The following OGFRL1 variants were observed in gnomAD, a reference collection of about 807,000 sequenced individuals.
The protein encoded by OGFRL1 is opioid growth factor receptor like 1.
Under a neutral mutation model 32.4 loss-of-function variants are expected in OGFRL1, and 26 were observed. The ratio of observed to expected loss-of-function variants is 0.80; its 90% CI spans 0.59 to 1.11. The LOEUF is 1.11. OGFRL1 is among the 50% of genes most tolerant of loss of function. The probability of loss-of-function intolerance (pLI) is 0.00; values close to 1 mark genes in which losing one functional copy is unlikely to be tolerated. For missense variants in OGFRL1, 521 were observed against 546.4 expected, an observed-to-expected ratio of 0.95 and a Z score of 0.46; for synonymous variants, 211 against 201.2, an observed-to-expected ratio of 1.05 and a Z score of -0.41.
At position 71,301,842 on chromosome 6, in the gene OGFRL1, G is replaced by A; in HGVS notation, c.1149G>A (p.Glu383=). 1.2e-6 allele frequency: 2 copies of A among 1,613,030 alleles called. No individual in the cohort carries two copies. Among genetic ancestry groups the A allele is most frequent in the Non-Finnish European group, 1.7e-6 (2 of 1,179,756 alleles). ...AAGAGACAGACAGGCCCAGCCCAGAGCCCAGCAATGAAGCTGCCAAGCCAA... is the reference window on the plus strand; with the variant it reads ...AAGAGACAGACAGGCCCAGCCCAGAACCCAGCAATGAAGCTGCCAAGCCAA... The part of the protein sequence containing the change: ...PVEETDRPSP[E]PSNEAAKPRN... Residue 383 remains glutamate (E), a synonymous_variant, in exon 7 of 7, where the codon GAG becomes GAA. Coordinates refer to ENST00000370435, the MANE Select transcript of OGFRL1 (RefSeq NM_024576.5).
Position 71,307,877 on chromosome 6 carries a change from A to G in OGFRL1, c.*5828A>G, listed in dbSNP as rs1766602767. The G allele has an allele frequency of 6.6e-6, 1 of 152,256 alleles. No homozygotes were observed. Among genetic ancestry groups the G allele is most frequent in the African/African-American group, 2.4e-5 (1 of 41,478 alleles). 9.4% of individuals were successfully genotyped at this position (152,256 alleles called of 1,614,324 possible). ...GAAACAGCAACAGGAAACTCACCAC[A>G]GAAATAAAGACATAACCCTTGATAA... On this transcript the variant is annotated 3_prime_UTR_variant, in exon 7 of 7. Coordinates refer to ENST00000370435, the MANE Select transcript of OGFRL1 (RefSeq NM_024576.5).
At position 71,302,748 on chromosome 6, in the gene OGFRL1, G is replaced by T. The variant is rs890068588; in HGVS notation, c.*699G>T. 9.2e-5 allele frequency: 14 copies of T among 152,250 alleles called. No homozygotes were observed. Among genetic ancestry groups the T allele is most frequent in the African/African-American group, 3.4e-4 (14 of 41,442 alleles). The allele number at this position is 152,250 out of a possible 1,614,324, so 9.4% of individuals were successfully genotyped here. On this transcript the variant is annotated 3_prime_UTR_variant, in exon 7 of 7. Transcript: ENST00000370435. ...GCCTCCCAAAGTGCTGGGATTACAGGCATGAGCCACCATGTCTGGCTGATT... is the reference window on the plus strand; with the variant it reads ...GCCTCCCAAAGTGCTGGGATTACAGTCATGAGCCACCATGTCTGGCTGATT...
rs542168729 is a variant in OGFRL1 at position 71,296,684 on chromosome 6, A to G, written c.559A>G (p.Thr187Ala). The part of the protein sequence containing the change: ...TTYEIEEFKK[T>A]KEAIRRFLLA... Reference sequence around the variant, plus strand: ...TTTTTTATATTAGGAATTCAAAAAAACAAAAGAAGCAATTAGAAGATTCCT... The same window carrying G: ...TTTTTTATATTAGGAATTCAAAAAAGCAAAAGAAGCAATTAGAAGATTCCT... Residue 187 changes from threonine (T) to alanine (A), a missense_variant, in exon 6 of 7, where the codon ACA becomes GCA. Coordinates refer to ENST00000370435, the MANE Select transcript of OGFRL1 (RefSeq NM_024576.5). 6.2e-7 allele frequency: 1 copy of G among 1,610,886 alleles called. No homozygotes were observed. The highest frequency in any genetic ancestry group is 1.3e-5 in the African/African-American group (1 of 74,682).
chr6:71,296,046 A>T (rs1766197838), intron 3 of OGFRL1, among the ~76,000 whole-genome samples: 1 of 152,196 alleles, frequency 6.6e-6, no homozygotes, highest in East Asian at 1.9e-4. Flanking sequence ...TTTAAAAAAC[A>T]GCTGGCAGGC....
At chr6:71,292,618 T>A (rs947116915) in intron 1 of OGFRL1, among the ~76,000 whole-genome samples, 2 of 152,330 alleles carry the variant, frequency 1.3e-5, no homozygotes, top group East Asian at 3.9e-4. Flanking sequence ...CTACCATGTA[T>A]AAGTTGTTTC....
chr6:71,290,380 T>G (rs1409425360), intron 1 of OGFRL1, among the ~76,000 whole-genome samples: 1 of 152,210 alleles, frequency 6.6e-6, no homozygotes, highest in Non-Finnish European at 1.5e-5. Context: ...TCTTATTAAA[T>G]TATTAGATGC....
rs1766474135 is a variant in OGFRL1 at position 71,304,033 on chromosome 6, T to C, written c.*1984T>C. 1.3e-5 allele frequency: 2 copies of C among 152,328 alleles called. No individual in the cohort carries two copies. Among genetic ancestry groups the C allele is most frequent in the South Asian group, 2.1e-4 (1 of 4,830 alleles). The allele number at this position is 152,328 out of a possible 1,614,324, so 9.4% of individuals were successfully genotyped here. ...TTCATATCATCTTCTGTTGCCTCTATTGATCCACATTTTCTGCAGTGGATT... is the reference window on the plus strand; with the variant it reads ...TTCATATCATCTTCTGTTGCCTCTACTGATCCACATTTTCTGCAGTGGATT... On this transcript the variant is annotated 3_prime_UTR_variant, in exon 7 of 7. Coordinates refer to ENST00000370435, the MANE Select transcript of OGFRL1 (RefSeq NM_024576.5).
rs998200432 is a variant in OGFRL1 at position 71,303,239 on chromosome 6, A to G, written c.*1190A>G. ...TTAGAGATGATTTAAAGTATTTTAC[A>G]TAAGGGACTTGAGCATTCCTAGATT... On this transcript the variant is annotated 3_prime_UTR_variant, in exon 7 of 7. Coordinates refer to ENST00000370435, the MANE Select transcript of OGFRL1 (RefSeq NM_024576.5). 1.3e-5 allele frequency: 2 copies of G among 152,240 alleles called. No homozygotes were observed. The highest frequency in any genetic ancestry group is 2.9e-5 in the Non-Finnish European group (2 of 68,046). 9.4% of individuals were successfully genotyped at this position (152,240 alleles called of 1,614,324 possible).
At chr6:71,292,089 A>G (rs948251364) in intron 1 of OGFRL1, 3 of 152,212 alleles carry the variant, frequency 2.0e-5, no homozygotes, top group Non-Finnish European at 4.4e-5. Context: ...TATTCGCTAT[A>G]TATGTAAGTG....
intron 1 of OGFRL1, among the ~76,000 whole-genome samples, chr6:71,292,208 G>A (rs975069758): frequency 2.0e-5 from 3 of 152,174 alleles, no homozygotes; most frequent in Non-Finnish European, 4.4e-5. Flanking sequence ...ATTTTGAAAC[G>A]TGTGGCAAGG....
rs756730011 is a variant in OGFRL1, at chr6:71,289,062, C to T, written c.126C>T (p.Gly42=). The change falls in exon 1 of 7, where the codon GGC becomes GGT. Residue 42 remains glycine (G), a synonymous_variant. Transcript: ENST00000370435. ...CAGGGCCGGGCGGCGGCAGCGAGGG[C>T]CCGGGGCAGGAGTCCGAGCAGCCCG... ...EEPGPGGGSE[G]PGQESEQPAQ... 21 of 1,261,906 alleles carry T rather than the reference C, an allele frequency of 1.7e-5. No homozygotes were observed. The highest frequency in any genetic ancestry group is 4.3e-5 in the East Asian group (1 of 23,496). The allele number at this position is 1,261,906 out of a possible 1,614,324, so 78.2% of individuals were successfully genotyped here. A position where few individuals can be genotyped will look rare whatever the true frequency, so the allele number is the denominator to read the frequency against.
intron 6 of OGFRL1, among the ~76,000 whole-genome samples, chr6:71,300,976 T>C (rs1766364358): frequency 6.6e-6 from 1 of 152,242 alleles, no homozygotes; most frequent in South Asian, 2.1e-4. Context: ...TGTTAGCTAA[T>C]GTGTTTATGT....
chr6:71,295,533 G>T (rs1205074884), intron 3 of OGFRL1: 1 of 152,106 alleles, frequency 6.6e-6, no homozygotes, highest in Non-Finnish European at 1.5e-5. Context: ...CTTACTTCTT[G>T]GAACCAGAAA....
At position 71,289,077 on chromosome 6, in the gene OGFRL1, C is replaced by G. The variant is rs1168773682; in HGVS notation, c.141C>G (p.Ser47=). The G allele has an allele frequency of 3.2e-5, 38 of 1,171,134 alleles. No individual in the cohort carries two copies. Among genetic ancestry groups the G allele is most frequent in the Non-Finnish European group, 4.0e-5 (38 of 943,590 alleles). 72.5% of individuals were successfully genotyped at this position (1,171,134 alleles called of 1,614,324 possible). A position where few individuals can be genotyped will look rare whatever the true frequency, so the allele number is the denominator to read the frequency against. Residue 47 remains serine (S), a synonymous_variant, in exon 1 of 7, where the codon TCC becomes TCG. Transcript: ENST00000370435. ...GGGSEGPGQE[S]EQPAQPPEQA... is the part of the protein sequence containing the mutation. Reference sequence around the variant, plus strand: ...GCAGCGAGGGCCCGGGGCAGGAGTCCGAGCAGCCCGCGCAGCCCCCGGAGC... The same window carrying G: ...GCAGCGAGGGCCCGGGGCAGGAGTCGGAGCAGCCCGCGCAGCCCCCGGAGC...
At chr6:71,291,275 G>GA (rs1373746820) in intron 1 of OGFRL1, 1 of 152,220 alleles carries the variant, frequency 6.6e-6, no homozygotes, top group Non-Finnish European at 1.5e-5. Context: ...GCAAGATGGA[G>GA]ACTTATTGGT....
intron 6 of OGFRL1, 91 bp downstream of exon 6, chr6:71,296,908 T>C: frequency 7.1e-7 from 1 of 1,405,526 alleles, no homozygotes; most frequent in East Asian, 2.3e-5. Context: ...AACTAGCAGA[T>C]GAGATGGGCC....
At position 71,306,671 on chromosome 6, in the gene OGFRL1, A is replaced by G. The variant is rs922202267; in HGVS notation, c.*4622A>G. 2 of 152,214 alleles carry G rather than the reference A, an allele frequency of 1.3e-5. No homozygotes were observed. The highest frequency in any genetic ancestry group is 2.4e-5 in the African/African-American group (1 of 41,456). The allele number at this position is 152,214 out of a possible 1,614,324, so 9.4% of individuals were successfully genotyped here. ...CAGTTTATCAAGAAGTGTACTCACC[A>G]TGATATTCAACAATGTGTTACATTT... On this transcript the variant is annotated 3_prime_UTR_variant, in exon 7 of 7. Coordinates refer to ENST00000370435, the MANE Select transcript of OGFRL1 (RefSeq NM_024576.5).
chr6:71,291,980 T>C (rs1766064302), intron 1 of OGFRL1: 1 of 152,234 alleles, frequency 6.6e-6, no homozygotes, highest in African/African-American at 2.4e-5. Flanking sequence ...GCCCCTGATA[T>C]CTTGTTTCTA....
At position 71,301,437 on chromosome 6, in the gene OGFRL1, G is replaced by A. The variant is rs2149356805; in HGVS notation, c.744G>A (p.Glu248=). Residue 248 remains glutamate, a synonymous_variant, in exon 7 of 7, where the codon GAG becomes GAA. Transcript: ENST00000370435. ...CTCGTATTCTTAAAAGCCTTGGTGA[G>A]CTTGGATATGAAAGTTTTAAATCTC... The part of the protein sequence containing the change: ...RITRILKSLG[E]LGYESFKSPL... 1 of 1,609,818 alleles carries A rather than the reference G, an allele frequency of 6.2e-7. No individual in the cohort carries two copies. Among genetic ancestry groups the A allele is most frequent in the Non-Finnish European group, 8.5e-7 (1 of 1,178,882 alleles).
Sources: gnomAD v4.1 joint callset for allele counts (sites outside exome capture counted in the v4.1 genomes callset) on GRCh38, gnomAD v4.1.1 for gene constraint, MANE v1.5 for transcripts, NCBI Gene and HGNC (gene_info 2026-07-23, HGNC 2026-07-21) for gene names.